The following DGKB variants were observed in gnomAD, a reference collection of about 807,000 sequenced individuals.
The protein encoded by DGKB is 90 kDa diacylglycerol kinase.
DGKB carries 67 observed loss-of-function variants against 114.3 expected under a neutral mutation model. The observed-to-expected ratio is 0.59, with a 90% CI of 0.48 to 0.72. DGKB has a LOEUF of 0.72. DGKB is among the 30% of genes least tolerant of loss of function. The pLI, the probability that DGKB is intolerant of heterozygous loss-of-function variation, is 0.00. For missense variants in DGKB, 907 were observed against 975.2 expected, an observed-to-expected ratio of 0.93 and a Z score of 0.93; for synonymous variants, 398 against 323.1, an observed-to-expected ratio of 1.23 and a Z score of -2.49.
Position 14,149,109 on chromosome 7 carries a change from C to A in DGKB, c.*22G>T. The A allele has an allele frequency of 1.3e-6, 2 of 1,597,172 alleles. No individual in the cohort carries two copies. The highest frequency in any genetic ancestry group is 1.7e-6 in the Non-Finnish European group (2 of 1,164,822). ...TGGCCCAATTATGCTAATTCAATTT[C>A]TAAGAGTGAAACAACACAGGATTAT... On this transcript the variant is annotated 3_prime_UTR_variant, in exon 26 of 26. Transcript: ENST00000402815.
chr7:14,335,530 A>G (rs572227351), intron 23 of DGKB, among the ~76,000 whole-genome samples: 1 of 152,312 alleles, frequency 6.6e-6, no homozygotes, highest in South Asian at 2.1e-4. Context: ...AAGAAAGAAC[A>G]AGAAGAAAAT....
At chr7:14,665,805 T>C (rs1164971136) in intron 13 of DGKB, among the ~76,000 whole-genome samples, 1 of 152,052 alleles carries the variant, frequency 6.6e-6, no homozygotes, top group African/African-American at 2.4e-5. Flanking sequence ...AAAAATTATA[T>C]AAAACTTAGA....
At chr7:14,556,556 T>C (rs564594953) in intron 20 of DGKB, among the ~76,000 whole-genome samples, 56 of 152,142 alleles carry the variant, frequency 3.7e-4, no homozygotes, top group Non-Finnish European at 6.9e-4. Context: ...CCCCTATACG[T>C]GTATTTTGAT....
At chr7:14,807,082 A>T (rs1842872444) in intron 2 of DGKB, among the ~76,000 whole-genome samples, 1 of 152,044 alleles carries the variant, frequency 6.6e-6, no homozygotes, top group African/African-American at 2.4e-5. Flanking sequence ...GATGAAGACA[A>T]ATTCCTGAGG....
intron 25 of DGKB, among the ~76,000 whole-genome samples, chr7:14,172,818 A>T (rs904326222): frequency 6.6e-6 from 1 of 152,086 alleles, no homozygotes; most frequent in Non-Finnish European, 1.5e-5. Flanking sequence ...TACCTAGTCT[A>T]TGTCCTCTCC....
intron 1 of DGKB, among the ~76,000 whole-genome samples, chr7:14,942,637 G>A (rs950222845): frequency 6.6e-5 from 10 of 151,728 alleles, no homozygotes; most frequent in African/African-American, 1.2e-4. Flanking sequence ...AAAGCGCTCC[G>A]GCTCACTTCT....
chr7:14,660,511 G>C (rs1394541473), intron 13 of DGKB, among the ~76,000 whole-genome samples: 1 of 152,038 alleles, frequency 6.6e-6, no homozygotes, highest in Admixed American at 6.6e-5. Flanking sequence ...TTGCGTAGAG[G>C]TGTTTGCAGT....
chr7:14,465,624 T>C (rs1174097309), intron 21 of DGKB, among the ~76,000 whole-genome samples: 1 of 152,244 alleles, frequency 6.6e-6, no homozygotes, highest in South Asian at 2.1e-4. Flanking sequence ...TTAGTATCAA[T>C]CCTCATTACA....
intron 21 of DGKB, among the ~76,000 whole-genome samples, chr7:14,426,218 G>A (rs996274116): frequency 1.3e-5 from 2 of 152,190 alleles, no homozygotes; most frequent in Admixed American, 6.6e-5. Flanking sequence ...CAGTGGCTCT[G>A]TCTACTATTG....
rs572454957 is a variant in DGKB at position 14,147,843 on chromosome 7, G to T, written c.*1288C>A. On this transcript the variant is annotated 3_prime_UTR_variant, in exon 26 of 26. Transcript: ENST00000402815. ...TACTGTTCTGTGATTTCTTTAAACA[G>T]TCAGAGACTCCAACTATGCCATGAA... 1 of 152,342 alleles carries T rather than the reference G, an allele frequency of 6.6e-6. No individual in the cohort carries two copies. The highest frequency in any genetic ancestry group is 1.5e-5 in the Non-Finnish European group (1 of 67,980). 9.4% of individuals were successfully genotyped at this position (152,342 alleles called of 1,614,324 possible).
intron 8 of DGKB, among the ~76,000 whole-genome samples, chr7:14,697,287 G>T (rs1183869945): frequency 6.6e-6 from 1 of 152,000 alleles, no homozygotes; most frequent in Non-Finnish European, 1.5e-5. Context: ...ACATATTTGG[G>T]TCTCAATTTA....
intron 9 of DGKB, among the ~76,000 whole-genome samples, chr7:14,686,770 T>A (rs1487036051): frequency 6.6e-6 from 1 of 152,160 alleles, no homozygotes; most frequent in East Asian, 1.9e-4. Flanking sequence ...ATTAATGAAA[T>A]GCTTCCTGGG....
chr7:14,394,387 T>A (rs1821911212), intron 21 of DGKB, among the ~76,000 whole-genome samples: 1 of 152,202 alleles, frequency 6.6e-6, no homozygotes, highest in Admixed American at 6.5e-5. Flanking sequence ...CAGCTCATCC[T>A]CATATATTAT....
At chr7:14,858,887 A>C (rs1038144451) in intron 1 of DGKB, among the ~76,000 whole-genome samples, 1 of 152,186 alleles carries the variant, frequency 6.6e-6, no homozygotes, top group Non-Finnish European at 1.5e-5. Flanking sequence ...CGGGAAAAGT[A>C]AACATGATTA....
chr7:14,662,935 T>A (rs1340995590), intron 13 of DGKB, among the ~76,000 whole-genome samples: 1 of 151,994 alleles, frequency 6.6e-6, no homozygotes, highest in African/African-American at 2.4e-5. Flanking sequence ...ACTTTTCAAA[T>A]TACAGCATAA....
intron 18 of DGKB, among the ~76,000 whole-genome samples, chr7:14,582,778 C>G (rs905299218): frequency 2.0e-5 from 3 of 152,102 alleles, no homozygotes; most frequent in African/African-American, 4.8e-5. Context: ...CACAAACAAT[C>G]TGATTTCCTA....
At chr7:14,653,916 A>C (rs1815206896) in intron 13 of DGKB, among the ~76,000 whole-genome samples, 1 of 152,086 alleles carries the variant, frequency 6.6e-6, no homozygotes, top group Non-Finnish European at 1.5e-5. Context: ...TGACAAACCC[A>C]CAACTAACAG....
chr7:14,723,335 C>A (rs1585987942), intron 5 of DGKB, among the ~76,000 whole-genome samples: 1 of 152,124 alleles, frequency 6.6e-6, no homozygotes, highest in East Asian at 1.9e-4. Context: ...TTTACACACC[C>A]AGTCATCAGT....
intron 23 of DGKB, among the ~76,000 whole-genome samples, chr7:14,228,133 C>T (rs1791115845): frequency 6.6e-6 from 1 of 152,028 alleles, no homozygotes; most frequent in South Asian, 2.1e-4. Flanking sequence ...GCTTCTGTGT[C>T]TCACTAATTC....
Sources: gnomAD v4.1 joint callset for allele counts (sites outside exome capture counted in the v4.1 genomes callset) on GRCh38, gnomAD v4.1.1 for gene constraint, MANE v1.5 for transcripts, NCBI Gene and HGNC (gene_info 2026-07-23, HGNC 2026-07-21) for gene names.